UVRAG: variants seen among roughly 807,000 people sequenced by gnomAD.
The protein encoded by UVRAG is UV radiation resistance associated.
Under a neutral mutation model 78.0 loss-of-function variants are expected in UVRAG, and 19 were observed. That is an observed-to-expected ratio of 0.24 (90% CI 0.17 to 0.36). The LOEUF is 0.36. Among genes scored for constraint, UVRAG ranks in the 10% least tolerant of loss-of-function variants. The pLI is 1.00. For missense variants in UVRAG, 740 were observed against 853.8 expected (o/e 0.87, Z 1.66); for synonymous variants, 323 against 324.6 (o/e 1.00, Z 0.05).
chr11:75,912,100 C>T, intron 6 of UVRAG, 61 bp downstream of exon 6: 1 of 1,250,736 alleles, frequency 8.0e-7, no homozygotes, highest in Non-Finnish European at 1.2e-6. Context: ...GAGTTTGTGA[C>T]ATTTCAATGT....
intron 5 of UVRAG, among the ~76,000 whole-genome samples, chr11:75,899,853 A>G (rs1006928297): frequency 6.6e-6 from 1 of 152,218 alleles, no homozygotes; most frequent in African/African-American, 2.4e-5. Flanking sequence ...GAAGTCCACA[A>G]AAGTTCCACA....
At position 76,140,788 on chromosome 11, in the gene UVRAG, T is replaced by C. The variant is rs1239310674; in HGVS notation, c.1475T>C (p.Phe492Ser). ...SSIFGGADVG[F>S]SGGIPSPDKG... ...ATATTTGGGGGTGCAGATGTAGGCT[T>C]CTCTGGGGGGATCCCTTCACCAGAC... is the stretch of plus-strand genomic sequence containing the variant. The change falls in exon 15 of 15, where the codon TTC (phenylalanine) becomes TCC (serine). Residue 492 changes from phenylalanine (F) to serine (S), a missense_variant. Phe to Ser is a radical substitution (Grantham distance 155). Coordinates refer to ENST00000356136, the MANE Select transcript of UVRAG (RefSeq NM_003369.4). The C allele has an allele frequency of 6.2e-7, 1 of 1,613,958 alleles. No homozygotes were observed. The highest frequency in any genetic ancestry group is 8.5e-7 in the Non-Finnish European group (1 of 1,180,022).
intron 7 of UVRAG, among the ~76,000 whole-genome samples, chr11:75,963,712 A>G (rs924265125): frequency 1.2e-4 from 18 of 152,256 alleles, no homozygotes; most frequent in Non-Finnish European, 1.9e-4. Context: ...GTGACTTTCA[A>G]AAATTTGGCA....
At chr11:76,014,073 G>T (rs1358117645) in intron 11 of UVRAG, among the ~76,000 whole-genome samples, 1 of 152,134 alleles carries the variant, frequency 6.6e-6, no homozygotes, top group Non-Finnish European at 1.5e-5. Context: ...TTATTTCTGT[G>T]TGTAGACTTC....
In UVRAG at chr11:75,922,021, A is replaced by G. The variant is rs181862234; in HGVS notation, c.593+9982A>G. On this transcript the variant is annotated intron_variant, in intron 6 of 14. Transcript: ENST00000356136. ...CTTCTTTTTGATACTATTTTTGGCT[A>G]TTCTCAGAACTTTATTCTTTTATGT... Among the ~76,000 whole-genome samples the G allele has an allele frequency of 3.9e-5, 6 of 152,160 alleles. No homozygotes were observed. The East Asian group carries it at 9.6e-4, about 24-fold the overall frequency.
chr11:75,943,482 C>G (rs1948526786), intron 6 of UVRAG, among the ~76,000 whole-genome samples: 2 of 152,130 alleles, frequency 1.3e-5, no homozygotes, highest in East Asian at 3.9e-4. Context: ...ATTAAACTTA[C>G]TAAAATGCAC....
At chr11:76,067,486 G>C (rs1951213387) in intron 13 of UVRAG, among the ~76,000 whole-genome samples, 1 of 152,158 alleles carries the variant, frequency 6.6e-6, no homozygotes, top group Admixed American at 6.5e-5. Flanking sequence ...GCCAGGTGTG[G>C]TGGCTCATGC....
At chr11:76,125,980 C>G (rs183735701) in intron 14 of UVRAG, among the ~76,000 whole-genome samples, 14,367 of 146,306 alleles carry the variant, frequency 0.098, 1,602 homozygotes, top group African/African-American at 0.28. Context: ...GACAGAGTCT[C>G]GCTCTGTCAC....
At chr11:75,976,676 T>C (rs1251128276) in intron 7 of UVRAG, among the ~76,000 whole-genome samples, 1 of 152,204 alleles carries the variant, frequency 6.6e-6, no homozygotes, top group Non-Finnish European at 1.5e-5. Context: ...TAGTATTATC[T>C]GATGGTAGTT....
intron 5 of UVRAG, among the ~76,000 whole-genome samples, chr11:75,895,538 A>G (rs534734283): frequency 4.5e-4 from 69 of 152,268 alleles, no homozygotes; most frequent in Non-Finnish European, 9.0e-4. Context: ...TCCTTTGTTC[A>G]GTAACCTCTT....
At chr11:76,101,259 A>T (rs1951875800) in intron 13 of UVRAG, among the ~76,000 whole-genome samples, 1 of 150,760 alleles carries the variant, frequency 6.6e-6, no homozygotes, top group African/African-American at 2.4e-5. Flanking sequence ...GCCAGCATCT[A>T]TTTTTTTTTA....
At chr11:75,851,512 A>G (rs1273149917) in intron 1 of UVRAG, among the ~76,000 whole-genome samples, 1 of 152,202 alleles carries the variant, frequency 6.6e-6, no homozygotes, top group African/African-American at 2.4e-5. Context: ...TGTTGGTATG[A>G]GATGGATTTT....
At chr11:76,132,278 G>A (rs1055332349) in intron 14 of UVRAG, among the ~76,000 whole-genome samples, 1 of 152,212 alleles carries the variant, frequency 6.6e-6, no homozygotes, top group African/African-American at 2.4e-5. Flanking sequence ...GGAGAAAGAA[G>A]AAGATCAAAT....
chr11:76,025,628 TC>T (rs750800686), intron 12 of UVRAG, among the ~76,000 whole-genome samples: 6 of 152,156 alleles, frequency 3.9e-5, no homozygotes, highest in Non-Finnish European at 8.8e-5. Context: ...TTATGTTTGT[TC>T]CTATGGAGGA....
Position 75,912,048 on chromosome 11 carries a change from CT to C in UVRAG, c.593+11del. 2 of 1,580,672 alleles carry C rather than the reference CT, an allele frequency of 1.3e-6. No homozygotes were observed. Among genetic ancestry groups the C allele is most frequent in the Non-Finnish European group, 1.7e-6 (2 of 1,150,936 alleles). On this transcript the variant is annotated intron_variant, in intron 6 of 14. Transcript: ENST00000356136. ...GTCTTCTCTTTGCTACGGTAAGAAA[CT>C]TCTTAGATTGCCCTGAATTCTAAAG...
At chr11:76,061,273 A>C (rs932918171) in intron 12 of UVRAG, among the ~76,000 whole-genome samples, 13 of 152,288 alleles carry the variant, frequency 8.5e-5, no homozygotes, top group East Asian at 3.9e-4. Context: ...CTTTGTGTCT[A>C]GCTCAGGGAT....
intron 4 of UVRAG, among the ~76,000 whole-genome samples, chr11:75,885,734 C>G (rs577223054): frequency 6.6e-6 from 1 of 152,090 alleles, no homozygotes; most frequent in African/African-American, 2.4e-5. Flanking sequence ...GTACACATTA[C>G]GCTTATTAGC....
At position 75,897,871 on chromosome 11, in the gene UVRAG, A is replaced by ATTTT. The variant is rs146122619; in HGVS notation, c.507+8983_507+8986dup. On this transcript the variant is annotated intron_variant, in intron 5 of 14. Coordinates refer to ENST00000356136, the MANE Select transcript of UVRAG (RefSeq NM_003369.4). ...ATATACTTACCTTCATAGCTCTTTAATTTTTTTTTTTTTTTTTTGGACAAG... is the reference window on the plus strand; with the variant it reads ...ATATACTTACCTTCATAGCTCTTTAATTTTTTTTTTTTTTTTTTTTTTGGACAAG... Among the ~76,000 whole-genome samples the ATTTT allele has an allele frequency of 4.0e-3, 437 of 108,876 alleles. 19 individuals are homozygous for ATTTT. Among genetic ancestry groups the ATTTT allele is most frequent in the African/African-American group, 0.016 (402 of 24,730 alleles). The allele number at this position is 108,876 out of a possible 152,430, so 71.4% of individuals were successfully genotyped here.
intron 3 of UVRAG, among the ~76,000 whole-genome samples, chr11:75,877,512 A>AC (rs529218162): frequency 0.016 from 1,416 of 90,486 alleles, 10 homozygotes; most frequent in Middle Eastern, 0.026. Flanking sequence ...GCGGGGGGTG[A>AC]CCCCCCCCAC....
Sources: gnomAD v4.1 joint callset for allele counts (sites outside exome capture counted in the v4.1 genomes callset) on GRCh38, gnomAD v4.1.1 for gene constraint, MANE v1.5 for transcripts, NCBI Gene and HGNC (gene_info 2026-07-23, HGNC 2026-07-21) for gene names.